CTNNA2: variants seen among roughly 807,000 people sequenced by gnomAD.
CTNNA2 encodes the protein catenin alpha-2.
In CTNNA2, 42 loss-of-function variants were observed where a neutral mutation model predicts 101.0. The observed-to-expected ratio is 0.42, with a 90% confidence interval of 0.32 to 0.54. The LOEUF (loss-of-function observed/expected upper bound fraction) is 0.54, where lower values mean the gene tolerates loss of function less well. Ranked by LOEUF, CTNNA2 falls within the 20% of genes least tolerant of loss-of-function variation. CTNNA2 has a pLI of 0.14. For missense variants in CTNNA2, 871 were observed against 1,223.1 expected (o/e 0.71, Z 4.29); for synonymous variants, 450 against 456.4 (o/e 0.99, Z 0.18).
At chr2:80,258,024 GT>G (rs1672309326) in intron 7 of CTNNA2, among the ~76,000 whole-genome samples, 2 of 152,238 alleles carry the variant, frequency 1.3e-5, no homozygotes, top group South Asian at 4.1e-4. Context: ...CACCCTGGAC[GT>G]TAGAGAGTTG....
chr2:80,394,560 T>C (rs1365628790), intron 8 of CTNNA2, among the ~76,000 whole-genome samples: 2 of 152,206 alleles, frequency 1.3e-5, no homozygotes, highest in African/African-American at 2.4e-5. Context: ...TATCTCTTTG[T>C]TCTCTTAGAT....
intron 7 of CTNNA2, among the ~76,000 whole-genome samples, chr2:80,278,304 A>G (rs895838631): frequency 6.6e-6 from 1 of 152,194 alleles, no homozygotes; most frequent in African/African-American, 2.4e-5. Flanking sequence ...CCAGATTTTA[A>G]TATCTTAAAA....
intron 7 of CTNNA2, among the ~76,000 whole-genome samples, chr2:79,961,715 G>A (rs886758023): frequency 4.0e-5 from 6 of 151,860 alleles, no homozygotes; most frequent in African/African-American, 4.8e-5. Context: ...CCAGCTACTC[G>A]GGAGGCTGAG....
chr2:79,596,691 A>G (rs1474216882), intron 1 of CTNNA2, among the ~76,000 whole-genome samples: 2 of 152,186 alleles, frequency 1.3e-5, no homozygotes, highest in South Asian at 2.1e-4. Context: ...TCTGCTAAGT[A>G]ATGATGCTAC....
chr2:80,152,672 A>G (rs1703779445), intron 7 of CTNNA2, among the ~76,000 whole-genome samples: 1 of 151,976 alleles, frequency 6.6e-6, no homozygotes, highest in South Asian at 2.1e-4. Flanking sequence ...AATGAACATA[A>G]TGTCACCACC....
At chr2:79,807,964 T>C (rs975091823) in intron 3 of CTNNA2, among the ~76,000 whole-genome samples, 1 of 152,190 alleles carries the variant, frequency 6.6e-6, no homozygotes, top group Non-Finnish European at 1.5e-5. Context: ...TTCAGATTTT[T>C]CAAGTAGCTG....
chr2:79,401,505 C>G (rs1211603976), intron 4 of CTNNA2, among the ~76,000 whole-genome samples: 1 of 151,426 alleles, frequency 6.6e-6, no homozygotes, highest in East Asian at 1.9e-4. Flanking sequence ...TATTTGTATA[C>G]TATTTATTAT....
intron 7 of CTNNA2, among the ~76,000 whole-genome samples, chr2:80,001,228 T>C (rs1335180893): frequency 6.6e-6 from 1 of 152,214 alleles, no homozygotes; most frequent in Non-Finnish European, 1.5e-5. Context: ...TAGTTTTTCG[T>C]GCCCATACAA....
chr2:79,764,888 C>T (rs1206137250), intron 3 of CTNNA2, among the ~76,000 whole-genome samples: 1 of 152,118 alleles, frequency 6.6e-6, no homozygotes, highest in Non-Finnish European at 1.5e-5. Flanking sequence ...ACAAAGGATT[C>T]ACTAAGTGAG....
chr2:80,385,598 C>G (rs1330099968), intron 7 of CTNNA2, among the ~76,000 whole-genome samples: 1 of 152,126 alleles, frequency 6.6e-6, no homozygotes, highest in African/African-American at 2.4e-5. Flanking sequence ...TTTGATTTGA[C>G]TCCAAAAGCT....
chr2:79,576,839 T>C (rs1000478979), intron 1 of CTNNA2, among the ~76,000 whole-genome samples: 4 of 152,172 alleles, frequency 2.6e-5, no homozygotes, highest in Non-Finnish European at 4.4e-5. Flanking sequence ...GGGATTGTTC[T>C]CTGCCAAGGA....
chr2:79,452,778 C>A (rs1042407026), intron 4 of CTNNA2, among the ~76,000 whole-genome samples: 1 of 152,042 alleles, frequency 6.6e-6, no homozygotes, highest in East Asian at 1.9e-4. Flanking sequence ...GCATTCACAT[C>A]CCATTTATAA....
intron 7 of CTNNA2, among the ~76,000 whole-genome samples, chr2:80,025,401 A>T (rs1694869728): frequency 6.6e-6 from 1 of 152,212 alleles, no homozygotes; most frequent in African/African-American, 2.4e-5. Flanking sequence ...ACATAGAGGA[A>T]GGAACAGCTA....
chr2:79,445,063 C>A (rs575374061), intron 4 of CTNNA2, among the ~76,000 whole-genome samples: 1 of 152,226 alleles, frequency 6.6e-6, no homozygotes, highest in South Asian at 2.1e-4. Context: ...GGGATAAATT[C>A]ATTTTGAGGA....
At chr2:80,024,344 G>A (rs1230645607) in intron 7 of CTNNA2, among the ~76,000 whole-genome samples, 1 of 152,192 alleles carries the variant, frequency 6.6e-6, no homozygotes. Context: ...GCCTCACTGA[G>A]AGTAGAGGAT....
chr2:79,600,457 G>A (rs540827560), intron 1 of CTNNA2, among the ~76,000 whole-genome samples: 1 of 152,232 alleles, frequency 6.6e-6, no homozygotes, highest in South Asian at 2.1e-4. Flanking sequence ...GATTACAGGT[G>A]TGAGTCACCG....
At chr2:79,281,805 A>T (rs7596189) in intron 2 of CTNNA2, among the ~76,000 whole-genome samples, 1 of 152,062 alleles carries the variant, frequency 6.6e-6, no homozygotes, top group Non-Finnish European at 1.5e-5. Context: ...TATTTGCCTT[A>T]TATTTGTGAA....
chr2:79,563,161 G>GTGTATA (rs1280707294), intron 1 of CTNNA2, among the ~76,000 whole-genome samples: 9 of 78,620 alleles, frequency 1.1e-4, no homozygotes, highest in East Asian at 8.2e-4. Context: ...ATAAAGATGT[G>GTGTATA]TATATATATA....
chr2:79,898,071 C>A (rs1049872507), intron 6 of CTNNA2, among the ~76,000 whole-genome samples: 2 of 152,190 alleles, frequency 1.3e-5, no homozygotes, highest in Non-Finnish European at 2.9e-5. Flanking sequence ...ATATCACCAT[C>A]CAACTCTTAA....
Sources: allele counts gnomAD v4.1 joint callset (sites outside exome capture counted in the v4.1 genomes callset), GRCh38; gene constraint gnomAD v4.1.1; transcripts MANE v1.5; gene names NCBI Gene and HGNC (gene_info 2026-07-23, HGNC 2026-07-21).